The following ACTR3C variants were observed in gnomAD, a reference collection of about 807,000 sequenced individuals.
ACTR3C encodes the protein actin-related protein 3C.
ACTR3C carries 18 observed loss-of-function variants against 26.3 expected under a neutral mutation model. The ratio of observed to expected loss-of-function variants is 0.68; its 90% CI spans 0.47 to 1.01. The LOEUF is 1.01. Among genes scored for constraint, ACTR3C ranks in the 50% least tolerant of loss-of-function variants. The pLI is 0.00. For missense variants in ACTR3C, 184 were observed against 250.7 expected (o/e 0.73, Z 1.80); for synonymous variants, 55 against 94.5 (o/e 0.58, Z 2.42).
At chr7:149,924,201 G>C in the ACTR3C span, among the ~76,000 whole-genome samples, 179 of 148,796 alleles carry the variant, frequency 1.2e-3, 2 homozygotes, top group Middle Eastern at 6.8e-3. Context: ...CATGGTGGAA[G>C]CCCGTCTCTA....
chr7:150,157,554 G>T, the ACTR3C span, among the ~76,000 whole-genome samples: 1 of 151,866 alleles, frequency 6.6e-6, no homozygotes, highest in African/African-American at 2.4e-5. Flanking sequence ...AGGCTTTCTG[G>T]TGCTGCTCCA....
chr7:149,956,689 T>C, the ACTR3C span, among the ~76,000 whole-genome samples: 2 of 151,406 alleles, frequency 1.3e-5, no homozygotes, highest in Non-Finnish European at 2.9e-5. Flanking sequence ...TATGGAGCTC[T>C]CTGGTTGCAG....
chr7:150,307,563 C>G (rs1285683234), intron 1 of ACTR3C, among the ~76,000 whole-genome samples: 1 of 152,174 alleles, frequency 6.6e-6, no homozygotes, highest in Non-Finnish European at 1.5e-5. Context: ...CATTACCTAC[C>G]CAACTCCTAT....
the ACTR3C span, among the ~76,000 whole-genome samples, chr7:149,969,425 T>G: frequency 6.6e-6 from 1 of 151,980 alleles, no homozygotes; most frequent in African/African-American, 2.4e-5. Flanking sequence ...AGAGGCTCAC[T>G]TGGGTGCACA....
the ACTR3C span, among the ~76,000 whole-genome samples, chr7:150,035,211 C>T: frequency 2.3e-4 from 28 of 123,366 alleles, 1 homozygote; most frequent in African/African-American, 8.0e-4. Context: ...CGGGGGGTGC[C>T]TCCCACCTCT....
the ACTR3C span, among the ~76,000 whole-genome samples, chr7:150,224,316 ACTCT>A: frequency 2.0e-5 from 3 of 151,998 alleles, no homozygotes; most frequent in Non-Finnish European, 4.4e-5. Context: ...TGTGAAATAC[ACTCT>A]CTTTCTTTCA....
At chr7:150,258,623 G>A (rs1833405884) in intron 6 of ACTR3C, among the ~76,000 whole-genome samples, 1 of 152,238 alleles carries the variant, frequency 6.6e-6, no homozygotes, top group Non-Finnish European at 1.5e-5. Flanking sequence ...TCTGCAATGT[G>A]AGAAAAAAAC....
the ACTR3C span, among the ~76,000 whole-genome samples, chr7:149,911,147 T>C: frequency 6.6e-6 from 1 of 151,898 alleles, no homozygotes. Context: ...AGCCTGACCT[T>C]TAGAATTCCA....
At chr7:150,026,783 G>A in the ACTR3C span, among the ~76,000 whole-genome samples, 1 of 152,078 alleles carries the variant, frequency 6.6e-6, no homozygotes, top group African/African-American at 2.4e-5. Context: ...AGCAAATATA[G>A]AAGTTGATGG....
chr7:150,251,868 CAATA>C (rs1031779049), intron 6 of ACTR3C, among the ~76,000 whole-genome samples: 2 of 152,006 alleles, frequency 1.3e-5, no homozygotes, highest in African/African-American at 4.8e-5. Flanking sequence ...CTTGAATCAA[CAATA>C]TATATTAATT....
intron 1 of ACTR3C, among the ~76,000 whole-genome samples, chr7:150,306,580 C>T (rs1225294362): frequency 2.6e-5 from 4 of 152,224 alleles, no homozygotes; most frequent in African/African-American, 4.8e-5. Context: ...GGTATGGTGG[C>T]TCATGCCTGT....
At chr7:149,961,005 G>T in the ACTR3C span, among the ~76,000 whole-genome samples, 24 of 151,976 alleles carry the variant, frequency 1.6e-4, no homozygotes, top group African/African-American at 5.8e-4. Context: ...AGAAAGTGTG[G>T]GCTCACAGGA....
the ACTR3C span, among the ~76,000 whole-genome samples, chr7:150,042,717 G>A: frequency 6.6e-6 from 1 of 151,750 alleles, no homozygotes; most frequent in African/African-American, 2.4e-5. Flanking sequence ...GTACTAGCAG[G>A]GCAGTTGCTG....
At chr7:150,215,648 G>A in the ACTR3C span, among the ~76,000 whole-genome samples, 4 of 152,104 alleles carry the variant, frequency 2.6e-5, no homozygotes, top group African/African-American at 9.7e-5. Flanking sequence ...AAACTAGAAT[G>A]TTAAATATCC....
chr7:149,955,395 TGA>T, the ACTR3C span, among the ~76,000 whole-genome samples: 5 of 152,240 alleles, frequency 3.3e-5, no homozygotes, highest in African/African-American at 1.2e-4. Context: ...TGGTATGTAC[TGA>T]GCAGCTACTA....
chr7:149,929,459 ATGG>A, the ACTR3C span, among the ~76,000 whole-genome samples: 1 of 147,484 alleles, frequency 6.8e-6, no homozygotes. Flanking sequence ...AGAGTCACCA[ATGG>A]ATACTTAAAC....
the ACTR3C span, among the ~76,000 whole-genome samples, chr7:150,126,344 G>T: frequency 6.6e-6 from 1 of 152,346 alleles, no homozygotes; most frequent in Non-Finnish European, 1.5e-5. Context: ...GAAAGGGATT[G>T]CAGGCTCTGA....
At chr7:150,036,760 T>C in the ACTR3C span, among the ~76,000 whole-genome samples, 49 of 137,916 alleles carry the variant, frequency 3.6e-4, 9 homozygotes, top group South Asian at 1.1e-3. Context: ...ATGTAAGGTA[T>C]CTGCCGTCGG....
the ACTR3C span, among the ~76,000 whole-genome samples, chr7:149,888,995 T>C: frequency 5.3e-3 from 784 of 146,544 alleles, 4 homozygotes; most frequent in African/African-American, 0.019. Flanking sequence ...GCGACAAGAG[T>C]GAAACTCCAC....
Sources: gnomAD v4.1 joint callset for allele counts (sites outside exome capture counted in the v4.1 genomes callset) on GRCh38, gnomAD v4.1.1 for gene constraint, MANE v1.5 for transcripts, NCBI Gene and HGNC (gene_info 2026-07-23, HGNC 2026-07-21) for gene names.